Variants in EBF1 observed in about 807,000 individuals in gnomAD.
EBF1 encodes transcription factor COE1.
Under a neutral mutation model 68.4 loss-of-function variants are expected in EBF1, and 10 were observed. The ratio of observed to expected loss-of-function variants is 0.15; its 90% CI spans 0.09 to 0.25. The LOEUF is 0.25. Ranked by LOEUF, EBF1 falls within the 10% of genes least tolerant of loss-of-function variation. The pLI, the probability that EBF1 is intolerant of heterozygous loss-of-function variation, is 1.00. For missense variants in EBF1, 509 were observed against 794.4 expected (o/e 0.64, Z 4.32); for synonymous variants, 298 against 299.8 (o/e 0.99, Z 0.06).
intron 6 of EBF1, among the ~76,000 whole-genome samples, chr5:158,948,198 T>C (rs78765065): frequency 0.023 from 3,552 of 152,232 alleles, 141 homozygotes; most frequent in African/African-American, 0.082. Flanking sequence ...CCTCATTCCG[T>C]TCTTTGCTGG....
chr5:159,058,051 G>A (rs1418921492), intron 6 of EBF1, among the ~76,000 whole-genome samples: 3 of 152,188 alleles, frequency 2.0e-5, no homozygotes, highest in Admixed American at 2.0e-4. Flanking sequence ...TTAGCTAAAG[G>A]GATGAGATTC....
At chr5:158,791,233 C>T (rs1017442660) in intron 9 of EBF1, among the ~76,000 whole-genome samples, 5 of 150,288 alleles carry the variant, frequency 3.3e-5, no homozygotes, top group Non-Finnish European at 4.4e-5. Context: ...GCAGGAGAAT[C>T]GCTTGAACCT....
At chr5:158,748,077 T>A (rs1767996220) in intron 10 of EBF1, among the ~76,000 whole-genome samples, 1 of 152,212 alleles carries the variant, frequency 6.6e-6, no homozygotes, top group African/African-American at 2.4e-5. Context: ...AAAAGATGCC[T>A]ACAGTAAAAA....
In EBF1 at chr5:158,975,368, T is replaced by C. The variant is rs1485309337; in HGVS notation, c.554+98028A>G. 2.0e-5 allele frequency among the ~76,000 whole-genome samples: 3 copies of C among 152,148 alleles called. No individual in the cohort carries two copies. In the East Asian group the frequency reaches 5.8e-4, roughly 29 times the overall value. On this transcript the variant is annotated intron_variant, in intron 6 of 15. Transcript: ENST00000313708. ...GACAAGAAAACAAAAGACTTTCTGGTTCACAGGGAAAAAATCCAGGTCTGT... is the reference window on the plus strand; with the variant it reads ...GACAAGAAAACAAAAGACTTTCTGGCTCACAGGGAAAAAATCCAGGTCTGT...
At chr5:158,895,696 G>A (rs985258450) in intron 6 of EBF1, among the ~76,000 whole-genome samples, 6 of 152,106 alleles carry the variant, frequency 3.9e-5, no homozygotes, top group African/African-American at 1.4e-4. Flanking sequence ...GGAGTGACCT[G>A]GCCAAAGGAG....
chr5:158,774,598 A>G (rs1774668634), intron 10 of EBF1, among the ~76,000 whole-genome samples: 1 of 152,126 alleles, frequency 6.6e-6, no homozygotes, highest in African/African-American at 2.4e-5. Context: ...TGAAGTGTGA[A>G]CTTCTGTGGG....
At chr5:159,099,281 G>A (rs1783214695) in intron 1 of EBF1, 64 bp downstream of exon 1, 8 of 1,317,738 alleles carry the variant, frequency 6.1e-6, no homozygotes, top group African/African-American at 1.5e-5. Context: ...TGCCGCTGCC[G>A]CCTCCGCCTC....
In EBF1 at chr5:158,809,024, T is replaced by C. The variant is rs141608243; in HGVS notation, c.779-12549A>G. On this transcript the variant is annotated intron_variant, in intron 8 of 15. Transcript: ENST00000313708. ...TTTACTGCACTTTTCCTTGAACTCA[T>C]CTTGATATATGCATGTGTTTATAGC... Among the ~76,000 whole-genome samples, 63 of 152,256 alleles carry C rather than the reference T, an allele frequency of 4.1e-4. No homozygotes were observed. The East Asian group carries it at 0.011, about 28-fold the overall frequency.
At chr5:158,952,291 G>C (rs1039714956) in intron 6 of EBF1, among the ~76,000 whole-genome samples, 2 of 152,148 alleles carry the variant, frequency 1.3e-5, no homozygotes, top group African/African-American at 4.8e-5. Flanking sequence ...TTGGACAAAA[G>C]TCAAGGGATT....
chr5:159,008,909 A>C (rs1004551728), intron 6 of EBF1, among the ~76,000 whole-genome samples: 8 of 152,162 alleles, frequency 5.3e-5, no homozygotes, highest in African/African-American at 1.9e-4. Flanking sequence ...AAATGTCAAA[A>C]TGGCTTTTAT....
At chr5:158,703,587 C>T (rs1290304792) in intron 15 of EBF1, among the ~76,000 whole-genome samples, 2 of 127,586 alleles carry the variant, frequency 1.6e-5, no homozygotes, top group Non-Finnish European at 3.2e-5. Flanking sequence ...GAAGTTGAGA[C>T]TAGAGTTGCT....
At chr5:158,752,512 G>A (rs138104581) in intron 10 of EBF1, among the ~76,000 whole-genome samples, 56 of 152,098 alleles carry the variant, frequency 3.7e-4, no homozygotes, top group African/African-American at 1.2e-3. Context: ...CCAGTAGAGC[G>A]TGACAAGAGA....
intron 6 of EBF1, among the ~76,000 whole-genome samples, chr5:158,878,879 A>G (rs111445117): frequency 0.014 from 2,103 of 152,210 alleles, 44 homozygotes; most frequent in African/African-American, 0.047. Context: ...CCCGACCTCA[A>G]GTGTTCCGCC....
intron 6 of EBF1, among the ~76,000 whole-genome samples, chr5:158,945,469 G>A (rs1204498908): frequency 6.6e-6 from 1 of 152,186 alleles, no homozygotes; most frequent in Non-Finnish European, 1.5e-5. Context: ...ATTCCGAGTT[G>A]AAAATTCTTT....
In EBF1 at chr5:158,796,471, A is replaced by G. The variant is rs756645335; in HGVS notation, c.783T>C (p.Thr261=). The G allele has an allele frequency of 1.2e-6, 2 of 1,611,878 alleles. No homozygotes were observed. The highest frequency in any genetic ancestry group is 1.7e-6 in the Non-Finnish European group (2 of 1,178,784). ...EGTPSYLEHA[T]PCIKAISPSE... ...TCGGGCTGATGGCTTTGATACAGGG[A>G]GTAGCTGCTTTTCAACACACATGAA... is the stretch of plus-strand genomic sequence containing the variant. Residue 261 remains threonine, a synonymous_variant, in exon 9 of 16, where the codon ACT becomes ACC. Transcript: ENST00000313708.
intron 14 of EBF1, among the ~76,000 whole-genome samples, chr5:158,711,461 A>G (rs1005661039): frequency 1.3e-5 from 2 of 152,210 alleles, no homozygotes; most frequent in East Asian, 1.9e-4. Context: ...TGTATGCGCT[A>G]TCTTCTCTAT....
intron 6 of EBF1, among the ~76,000 whole-genome samples, chr5:159,050,093 T>G (rs911637807): frequency 3.9e-5 from 6 of 151,972 alleles, no homozygotes; most frequent in Non-Finnish European, 1.5e-5. Flanking sequence ...GTCAAGAAAG[T>G]GGATACAGGA....
intron 6 of EBF1, among the ~76,000 whole-genome samples, chr5:159,072,724 C>A (rs941748867): frequency 1.3e-5 from 2 of 152,120 alleles, no homozygotes; most frequent in Non-Finnish European, 2.9e-5. Flanking sequence ...TTGCATAATG[C>A]GTGCACACTG....
At chr5:159,037,970 C>T (rs1353945860) in intron 6 of EBF1, among the ~76,000 whole-genome samples, 1 of 152,072 alleles carries the variant, frequency 6.6e-6, no homozygotes, top group African/African-American at 2.4e-5. Context: ...GCACAAATAC[C>T]CATACCTAGG....
Sources: gnomAD v4.1 joint callset for allele counts (sites outside exome capture counted in the v4.1 genomes callset) on GRCh38, gnomAD v4.1.1 for gene constraint, MANE v1.5 for transcripts, NCBI Gene and HGNC (gene_info 2026-07-23, HGNC 2026-07-21) for gene names.